The following CYRIA variants were observed in gnomAD, a reference collection of about 807,000 sequenced individuals.
CYRIA encodes CYFIP related Rac1 interactor A.
In CYRIA, 15 loss-of-function variants were observed where a neutral mutation model predicts 43.9. The observed-to-expected ratio is 0.34, with a 90% CI of 0.23 to 0.53. The LOEUF is 0.53. Among genes scored for constraint, CYRIA ranks in the 20% least tolerant of loss-of-function variants. The pLI, the probability that CYRIA is intolerant of heterozygous loss-of-function variation, is 0.94. For synonymous variants in CYRIA, 117 were observed against 136.0 expected (o/e 0.86, Z 0.97); for missense variants, 236 against 394.2 (o/e 0.60, Z 3.40).
At chr2:16,623,570 G>A (rs1418272981) in intron 2 of CYRIA, among the ~76,000 whole-genome samples, 2 of 152,098 alleles carry the variant, frequency 1.3e-5, no homozygotes, top group East Asian at 1.9e-4. Context: ...GCTAGCATGG[G>A]CAGAAAGGAA....
intron 2 of CYRIA, among the ~76,000 whole-genome samples, chr2:16,606,546 T>TAAA (rs58851451): frequency 7.4e-6 from 1 of 134,654 alleles, no homozygotes; most frequent in South Asian, 2.4e-4. Flanking sequence ...ACAATATAAC[T>TAAA]AAAAAAAAAA....
chr2:16,551,914 A>AG lies in CYRIA; in HGVS notation c.*1021dup, dbSNP rs1489814917. On this transcript the variant is annotated 3_prime_UTR_variant, in exon 12 of 12. Coordinates refer to ENST00000381323, the MANE Select transcript of CYRIA (RefSeq NM_030797.4). ...AACAAGCTAGCAACGGGGTTGGGGA[A>AG]GAGCTACTTTTTAAAAACCTGGGAA... The AG allele has an allele frequency of 6.6e-6, 1 of 152,140 alleles. No homozygotes were observed. The highest frequency in any genetic ancestry group is 6.6e-5 in the Admixed American group (1 of 15,254). 9.4% of individuals were successfully genotyped at this position (152,140 alleles called of 1,614,324 possible).
chr2:16,590,422 G>A (rs1667887728), intron 2 of CYRIA, among the ~76,000 whole-genome samples: 2 of 152,236 alleles, frequency 1.3e-5, no homozygotes, highest in East Asian at 3.9e-4. Flanking sequence ...CATACAAAGT[G>A]CTTTGATGGA....
At chr2:16,636,532 G>T (rs1669503286) in intron 1 of CYRIA, among the ~76,000 whole-genome samples, 1 of 152,140 alleles carries the variant, frequency 6.6e-6, no homozygotes, top group Non-Finnish European at 1.5e-5. Flanking sequence ...AACTGCCCCA[G>T]GCCCGGTCCC....
intron 3 of CYRIA, among the ~76,000 whole-genome samples, chr2:16,572,205 C>G (rs1667153741): frequency 6.6e-6 from 1 of 152,102 alleles, no homozygotes; most frequent in South Asian, 2.1e-4. Flanking sequence ...TCTCTGGGTC[C>G]AGATTCATTC....
chr2:16,657,878 C>T (rs1670158901), intron 1 of CYRIA, among the ~76,000 whole-genome samples: 3 of 152,154 alleles, frequency 2.0e-5, no homozygotes, highest in Non-Finnish European at 1.5e-5. Context: ...GTCTCTGGGC[C>T]AGCTTTTGCT....
chr2:16,620,211 G>C (rs560697218), intron 2 of CYRIA, among the ~76,000 whole-genome samples: 1 of 152,238 alleles, frequency 6.6e-6, no homozygotes, highest in South Asian at 2.1e-4. Flanking sequence ...TCAGTGGAGA[G>C]AGGGTTAAGG....
chr2:16,560,707 T>C lies in CYRIA; in HGVS notation c.710+283A>G, dbSNP rs530807952. ...TTTAACACACCCTCCATTTGGTTCTTACAGATCTTCTACAGCATCTGTGAT... is the reference window on the plus strand; with the variant it reads ...TTTAACACACCCTCCATTTGGTTCTCACAGATCTTCTACAGCATCTGTGAT... On this transcript the variant is annotated intron_variant, in intron 9 of 11. Coordinates refer to ENST00000381323, the MANE Select transcript of CYRIA (RefSeq NM_030797.4). 98 of 460,776 alleles carry C rather than the reference T, an allele frequency of 2.1e-4. 2 individuals carry two copies. The South Asian group carries it at 2.4e-3, about 11-fold the overall frequency. 28.5% of individuals were successfully genotyped at this position (460,776 alleles called of 1,614,324 possible).
chr2:16,646,965 G>A (rs920343009), intron 1 of CYRIA, among the ~76,000 whole-genome samples: 1 of 152,176 alleles, frequency 6.6e-6, no homozygotes, highest in African/African-American at 2.4e-5. Context: ...GGAACTATAT[G>A]ATCAGCTCTC....
chr2:16,613,116 G>A (rs1668662097), intron 2 of CYRIA, among the ~76,000 whole-genome samples: 1 of 152,172 alleles, frequency 6.6e-6, no homozygotes, highest in Admixed American at 6.5e-5. Flanking sequence ...CCAGTCTTGG[G>A]TATGTCTTTC....
At chr2:16,660,942 A>G (rs1378877439) in intron 1 of CYRIA, among the ~76,000 whole-genome samples, 1 of 152,188 alleles carries the variant, frequency 6.6e-6, no homozygotes, top group African/African-American at 2.4e-5. Flanking sequence ...AGGCTTCCAA[A>G]TTACCCAAGA....
chr2:16,661,948 TA>T (rs546443409), intron 1 of CYRIA, among the ~76,000 whole-genome samples: 4 of 151,970 alleles, frequency 2.6e-5, no homozygotes, highest in Non-Finnish European at 4.4e-5. Flanking sequence ...TATAGTAACT[TA>T]AAAAAAAGAA....
intron 2 of CYRIA, among the ~76,000 whole-genome samples, chr2:16,605,558 C>A (rs1387279798): frequency 1.3e-5 from 2 of 152,176 alleles, no homozygotes; most frequent in African/African-American, 2.4e-5. Flanking sequence ...GAAAGGTACC[C>A]CATGCAGGGC....
At chr2:16,656,531 C>T (rs1397575967) in intron 1 of CYRIA, among the ~76,000 whole-genome samples, 1 of 152,178 alleles carries the variant, frequency 6.6e-6, no homozygotes, top group East Asian at 1.9e-4. Context: ...GTTAAGGTCA[C>T]TCCTCCGTGG....
At chr2:16,609,653 A>G (rs888256118) in intron 2 of CYRIA, among the ~76,000 whole-genome samples, 1 of 152,180 alleles carries the variant, frequency 6.6e-6, no homozygotes, top group Non-Finnish European at 1.5e-5. Context: ...TTTTAAGTAT[A>G]TATCATCATT....
intron 1 of CYRIA, among the ~76,000 whole-genome samples, chr2:16,627,122 G>C (rs1669194641): frequency 6.6e-6 from 1 of 152,212 alleles, no homozygotes. Context: ...CCATTCAGGG[G>C]AGGGCTAGGG....
chr2:16,633,543 CTTTT>C (rs755223919), intron 1 of CYRIA, among the ~76,000 whole-genome samples: 2 of 92,334 alleles, frequency 2.2e-5, no homozygotes, highest in African/African-American at 4.1e-5. Context: ...CTATCCCTGG[CTTTT>C]TTTTTTTTTT....
intron 2 of CYRIA, among the ~76,000 whole-genome samples, chr2:16,588,849 G>A (rs1440213459): frequency 1.3e-5 from 2 of 152,020 alleles, no homozygotes; most frequent in Non-Finnish European, 2.9e-5. Flanking sequence ...ACAATGAAAA[G>A]GCATAATGCC....
At chr2:16,563,331 C>G (rs747282737) in intron 5 of CYRIA, among the ~76,000 whole-genome samples, 10 of 152,132 alleles carry the variant, frequency 6.6e-5, no homozygotes, top group Admixed American at 4.6e-4. Flanking sequence ...GGTCATTACT[C>G]CCCCAAGGTA....
Sources: gnomAD v4.1 joint callset for allele counts (sites outside exome capture counted in the v4.1 genomes callset) on GRCh38, gnomAD v4.1.1 for gene constraint, MANE v1.5 for transcripts, NCBI Gene and HGNC (gene_info 2026-07-23, HGNC 2026-07-21) for gene names.